The following ADHFE1 variants were observed in gnomAD, a reference collection of about 807,000 sequenced individuals.
ADHFE1 encodes the protein alcohol dehydrogenase iron containing 1, also known as hydroxyacid-oxoacid transhydrogenase, mitochondrial.
ADHFE1 carries 37 observed loss-of-function variants against 54.8 expected under a neutral mutation model. The observed-to-expected ratio is 0.68, with a 90% CI of 0.52 to 0.89. The LOEUF (loss-of-function observed/expected upper bound fraction) is 0.89, where lower values mean the gene tolerates loss of function less well. ADHFE1 is among the 40% of genes least tolerant of loss of function. The pLI, the probability that ADHFE1 is intolerant of heterozygous loss-of-function variation, is 0.00. For synonymous variants in ADHFE1, 203 were observed against 229.3 expected, an observed-to-expected ratio of 0.89 and a Z score of 1.04; for missense variants, 601 against 591.2, an observed-to-expected ratio of 1.02 and a Z score of -0.17.
rs754414045 is a variant in ADHFE1, at chr8:66,460,438, C to T, written c.1293C>T (p.Pro431=). ...AAVGYSKADI[P]ALVKGTLPQE... is the part of the protein sequence containing the mutation. Reference sequence around the variant, plus strand: ...TTGGTTACTCCAAAGCTGATATCCCCGCACTAGTGAAAGGAACGCTGCCCC... The same window carrying T: ...TTGGTTACTCCAAAGCTGATATCCCTGCACTAGTGAAAGGAACGCTGCCCC... The change falls in exon 13 of 14, where the codon CCC becomes CCT. Residue 431 remains proline (P), a synonymous_variant. Transcript: ENST00000396623. The T allele has an allele frequency of 2.5e-6, 4 of 1,598,778 alleles. No homozygotes were observed. Among genetic ancestry groups the T allele is most frequent in the East Asian group, 2.3e-5 (1 of 44,242 alleles).
chr8:66,434,589 T>C (rs1264280359), intron 1 of ADHFE1, among the ~76,000 whole-genome samples: 3 of 152,324 alleles, frequency 2.0e-5, no homozygotes, highest in South Asian at 4.1e-4. Flanking sequence ...AATGGCATCA[T>C]TGGGCACATG....
intron 8 of ADHFE1, among the ~76,000 whole-genome samples, chr8:66,449,785 G>T (rs1019961923): frequency 1.2e-4 from 18 of 152,120 alleles, no homozygotes; most frequent in Admixed American, 1.0e-3. Context: ...TAAAATCTGT[G>T]GCATCACAGT....
intron 6 of ADHFE1, 38 bp from the exon 7 acceptor site, chr8:66,447,226 T>A (rs770273944): frequency 9.5e-6 from 15 of 1,578,080 alleles, no homozygotes; most frequent in Admixed American, 1.7e-5. Context: ...TAACCTTTAT[T>A]TAGATGCTTT....
At position 66,432,561 on chromosome 8, in the gene ADHFE1, A is replaced by AC; in HGVS notation, c.46dup (p.Leu16ProfsTer33). The AC allele has an allele frequency of 1.5e-6, 2 of 1,351,100 alleles. No homozygotes were observed. The highest frequency in any genetic ancestry group is 1.9e-6 in the Non-Finnish European group (2 of 1,042,222). 83.7% of individuals were successfully genotyped at this position (1,351,100 alleles called of 1,614,324 possible). The stretch of plus-strand genomic sequence containing the variant: ...CCCGGGTCGCGTACTTGCTGAGGCA[A>AC]CTGCAACGCGCAGCGTGAGTGCGGG... On this transcript the variant is annotated frameshift_variant, in exon 1 of 14. Coordinates refer to ENST00000396623, the MANE Select transcript of ADHFE1 (RefSeq NM_144650.3). LOFTEE classifies it high-confidence loss of function.
chr8:66,457,491 AAAG>A (rs1231834409), intron 12 of ADHFE1, among the ~76,000 whole-genome samples: 2 of 151,678 alleles, frequency 1.3e-5, no homozygotes, highest in African/African-American at 2.4e-5. Context: ...AAAAAAAAAA[AAAG>A]AACCATAAAG....
At chr8:66,466,932 C>T (rs890670341) in intron 13 of ADHFE1, among the ~76,000 whole-genome samples, 1 of 152,128 alleles carries the variant, frequency 6.6e-6, no homozygotes, top group Non-Finnish European at 1.5e-5. Context: ...AGAGCCAGAT[C>T]GGGGTAGCCT....
At chr8:66,446,730 T>C (rs543879049) in intron 6 of ADHFE1, among the ~76,000 whole-genome samples, 1 of 152,326 alleles carries the variant, frequency 6.6e-6, no homozygotes, top group East Asian at 1.9e-4. Flanking sequence ...TAAACACACA[T>C]GCATGCTAAA....
chr8:66,447,145 A>G lies in ADHFE1; in HGVS notation c.551-119A>G. On this transcript the variant is annotated intron_variant, in intron 6 of 13. Coordinates refer to ENST00000396623, the MANE Select transcript of ADHFE1 (RefSeq NM_144650.3). ...ATGTTAATTCATATATATCATGCAA[A>G]CAAGAGGGTCAGCAAAGTTTCCTTC... 3 of 710,014 alleles carry G rather than the reference A, an allele frequency of 4.2e-6. No homozygotes were observed. In the Admixed American group the frequency reaches 8.5e-5, roughly 20 times the overall value. The allele number at this position is 710,014 out of a possible 1,614,324, so 44.0% of individuals were successfully genotyped here. A position where few individuals can be genotyped will look rare whatever the true frequency, so the allele number is the denominator to read the frequency against.
chr8:66,453,644 C>T, intron 9 of ADHFE1: 1 of 1,331,864 alleles, frequency 7.5e-7, no homozygotes, highest in Admixed American at 1.9e-5. Context: ...GGCAGTGTCT[C>T]AGAGAGAAAG....
intron 1 of ADHFE1, among the ~76,000 whole-genome samples, chr8:66,437,170 T>C (rs1345286324): frequency 6.6e-6 from 1 of 151,774 alleles, no homozygotes; most frequent in Non-Finnish European, 1.5e-5. Flanking sequence ...AGGTTTCTGG[T>C]TTTGTTATGT....
chr8:66,450,843 C>T (rs922488418), intron 8 of ADHFE1, among the ~76,000 whole-genome samples: 1 of 152,238 alleles, frequency 6.6e-6, no homozygotes, highest in Non-Finnish European at 1.5e-5. Context: ...CGCTTAGAAC[C>T]ACAAAGCCTT....
rs1805651184 is a variant in ADHFE1, at chr8:66,439,774, C to T, written c.60-388C>T. 23 of 1,040,282 alleles carry T rather than the reference C, an allele frequency of 2.2e-5. No homozygotes were observed. The highest frequency in any genetic ancestry group is 2.7e-5 in the Non-Finnish European group (23 of 865,376). The allele number at this position is 1,040,282 out of a possible 1,614,324, so 64.4% of individuals were successfully genotyped here. A position where few individuals can be genotyped will look rare whatever the true frequency, so the allele number is the denominator to read the frequency against. On this transcript the variant is annotated intron_variant, in intron 1 of 13. Transcript: ENST00000396623. This position sits in a 1 kb window ranked among gnomAD's most constrained non-coding sequence, Gnocchi z 4.4. ...ATAGGGTAGTAAGTAAGAAGAGGCA[C>T]ACAGAGTTAACCTTGGGCCGATTTG...
intron 13 of ADHFE1, among the ~76,000 whole-genome samples, chr8:66,467,915 C>T (rs1807284694): frequency 6.6e-6 from 1 of 152,146 alleles, no homozygotes; most frequent in South Asian, 2.1e-4. Context: ...TCGGGGACGA[C>T]CCAGTTCTCT....
At position 66,461,576 on chromosome 8, in the gene ADHFE1, T is replaced by C. The variant is rs188539478; in HGVS notation, c.1320+1111T>C. Among the ~76,000 whole-genome samples the C allele has an allele frequency of 1.4e-3, 215 of 152,140 alleles. 1 individual carries two copies. The highest frequency in any genetic ancestry group is 2.6e-3 in the Non-Finnish European group (174 of 68,000). On this transcript the variant is annotated intron_variant, in intron 13 of 13. Transcript: ENST00000396623. ...GTGTCCACAGGAGCCAGGTAGAGAA[T>C]AGCAGTGAACAATGTCATGTAAGGC...
At chr8:66,458,353 A>G (rs924657250) in intron 12 of ADHFE1, among the ~76,000 whole-genome samples, 1 of 152,174 alleles carries the variant, frequency 6.6e-6, no homozygotes, top group Non-Finnish European at 1.5e-5. Context: ...TGTGCTGGGA[A>G]TGTTAATGAC....
intron 12 of ADHFE1, among the ~76,000 whole-genome samples, chr8:66,457,786 T>C (rs1806671050): frequency 7.3e-6 from 1 of 136,644 alleles, no homozygotes; most frequent in Non-Finnish European, 1.6e-5. Flanking sequence ...GTAGTAATAC[T>C]GTTTCCTGTT....
intron 13 of ADHFE1, among the ~76,000 whole-genome samples, chr8:66,460,942 A>T (rs1175756886): frequency 6.6e-6 from 1 of 152,242 alleles, no homozygotes; most frequent in Non-Finnish European, 1.5e-5. Flanking sequence ...CTTTCGATGA[A>T]TGTGGGAGAT....
rs559300495 is a variant in ADHFE1, at chr8:66,461,180, G to A, written c.1320+715G>A. On this transcript the variant is annotated intron_variant, in intron 13 of 13. Coordinates refer to ENST00000396623, the MANE Select transcript of ADHFE1 (RefSeq NM_144650.3). ...CCTGTTCATTGCAATTCACCATAAA[G>A]CAGAGAGCTCAGAGCATGAGTGCTT... Among the ~76,000 whole-genome samples the A allele has an allele frequency of 2.6e-5, 4 of 152,308 alleles. No individual in the cohort carries two copies. The South Asian group carries it at 8.3e-4, about 32-fold the overall frequency.
chr8:66,443,306 C>T (rs1422011917), intron 3 of ADHFE1, among the ~76,000 whole-genome samples: 2 of 92,162 alleles, frequency 2.2e-5, no homozygotes. Flanking sequence ...TGGAGACAGC[C>T]TCACTCTGTC....
Sources: gnomAD v4.1 joint callset for allele counts (sites outside exome capture counted in the v4.1 genomes callset) on GRCh38, gnomAD v4.1.1 for gene constraint, Gnocchi (gnomAD v3.1) non-coding constraint, MANE v1.5 for transcripts, NCBI Gene and HGNC (gene_info 2026-07-23, HGNC 2026-07-21) for gene names.